CDC25C: variants seen among roughly 807,000 people sequenced by gnomAD.
CDC25C encodes M-phase inducer phosphatase 3.
In CDC25C, 48 loss-of-function variants were observed where a neutral mutation model predicts 52.5. That is an observed-to-expected ratio of 0.91 (90% CI 0.72 to 1.16). CDC25C has a LOEUF of 1.16. CDC25C is among the 50% of genes most tolerant of loss of function. CDC25C has a pLI of 0.00. For missense variants in CDC25C, 510 were observed against 566.1 expected (o/e 0.90, Z 1.01); for synonymous variants, 187 against 206.5 (o/e 0.91, Z 0.81).
chr5:138,334,476 T>C (rs1409375673), upstream of CDC25C, among the ~76,000 whole-genome samples: 2 of 151,962 alleles, frequency 1.3e-5, no homozygotes, highest in African/African-American at 4.8e-5. Flanking sequence ...CTCAGCCTCC[T>C]GAGTAGCTGG....
chr5:138,304,501 C>CTT (rs888224813), intron 7 of CDC25C, among the ~76,000 whole-genome samples: 3 of 142,728 alleles, frequency 2.1e-5, no homozygotes, highest in Non-Finnish European at 4.6e-5. Context: ...GCTTCCAACT[C>CTT]TTTTTTTTTT....
At chr5:138,308,823 CT>C (rs1758228835) in intron 7 of CDC25C, among the ~76,000 whole-genome samples, 1 of 152,106 alleles carries the variant, frequency 6.6e-6, no homozygotes, top group Non-Finnish European at 1.5e-5. Context: ...AAAACAGGCT[CT>C]GGGGTCAGGT....
At chr5:138,323,969 A>G (rs7443648) in intron 6 of CDC25C, among the ~76,000 whole-genome samples, 1 of 149,366 alleles carries the variant, frequency 6.7e-6, no homozygotes, top group Non-Finnish European at 1.5e-5. Flanking sequence ...AAAAAAAAAA[A>G]AAAACAAATT....
chr5:138,331,028 G>C lies in CDC25C; in HGVS notation c.153C>G (p.Gly51=). Reference sequence around the variant, plus strand: ...GGTTTGCAGAATCACCAAGAAATTTGCCCACTGGAGTTCTAGGGACATCTG... The same window carrying C: ...GGTTTGCAGAATCACCAAGAAATTTCCCCACTGGAGTTCTAGGGACATCTG... ...VCPDVPRTPV[G]KFLGDSANLS... is the part of the protein sequence containing the mutation. The change falls in exon 2 of 14, where the codon GGC becomes GGG. Residue 51 remains glycine, a synonymous_variant. Coordinates refer to ENST00000323760, the MANE Select transcript of CDC25C (RefSeq NM_001790.5). 5.6e-6 allele frequency: 9 copies of C among 1,613,976 alleles called. No homozygotes were observed. The highest frequency in any genetic ancestry group is 7.6e-6 in the Non-Finnish European group (9 of 1,179,848).
chr5:138,334,604 G>A (rs1290343035), upstream of CDC25C, among the ~76,000 whole-genome samples: 10 of 152,042 alleles, frequency 6.6e-5, no homozygotes, highest in African/African-American at 2.2e-4. Context: ...CACCCACCTC[G>A]GCCTCCCAAA....
chr5:138,293,300 T>C (rs934267256), intron 7 of CDC25C, among the ~76,000 whole-genome samples: 2 of 152,184 alleles, frequency 1.3e-5, no homozygotes, highest in African/African-American at 4.8e-5. Flanking sequence ...GCCAATCAGG[T>C]TCCCTCTCTT....
intron 7 of CDC25C, among the ~76,000 whole-genome samples, chr5:138,300,594 AAAACT>A (rs1338079946): frequency 6.6e-6 from 1 of 152,146 alleles, no homozygotes; most frequent in Non-Finnish European, 1.5e-5. Context: ...TAATAGACAG[AAAACT>A]AATAAGCATA....
At chr5:138,289,399 G>T in intron 10 of CDC25C, 102 bp downstream of exon 10, 1 of 829,262 alleles carries the variant, frequency 1.2e-6, no homozygotes, top group South Asian at 1.4e-5. Flanking sequence ...CTGTGTGAGT[G>T]AACACAGTGA....
chr5:138,286,404 T>G (rs1756233806), intron 12 of CDC25C, 93 bp downstream of exon 12: 3 of 1,331,320 alleles, frequency 2.3e-6, no homozygotes, highest in African/African-American at 2.9e-5. Context: ...TTCTTCAAAC[T>G]GTAGAATCCA....
chr5:138,288,423 G>A (rs1049992308), intron 10 of CDC25C, among the ~76,000 whole-genome samples: 2 of 152,082 alleles, frequency 1.3e-5, no homozygotes, highest in Non-Finnish European at 2.9e-5. Context: ...GGGGCTGGGC[G>A]CAGTGGCTCA....
intron 6 of CDC25C, among the ~76,000 whole-genome samples, chr5:138,324,371 T>C (rs1437493632): frequency 1.3e-5 from 2 of 151,948 alleles, no homozygotes; most frequent in African/African-American, 4.8e-5. Context: ...GGAGAAAGTA[T>C]CAAAACCTTA....
intron 7 of CDC25C, among the ~76,000 whole-genome samples, chr5:138,296,849 C>T (rs1451156209): frequency 6.6e-6 from 1 of 150,766 alleles, no homozygotes; most frequent in African/African-American, 2.4e-5. Flanking sequence ...TCGTGATCTG[C>T]CCGCCTCGGC....
At chr5:138,289,860 T>C (rs1434091909) in intron 9 of CDC25C, among the ~76,000 whole-genome samples, 1 of 149,932 alleles carries the variant, frequency 6.7e-6, no homozygotes, top group African/African-American at 2.5e-5. Context: ...TATGAAGAAA[T>C]TATGAGCAGC....
chr5:138,331,721 T>C lies in CDC25C; in HGVS notation c.-165A>G. ...AGGAGGTAGTTAACTAGATTGCAGC[T>C]CTGCCTTCCGACTGGGTAGGCCAAC... On this transcript the variant is annotated 5_prime_UTR_variant, in exon 1 of 14. Transcript: ENST00000323760. 9 of 989,532 alleles carry C rather than the reference T, an allele frequency of 9.1e-6. No individual in the cohort carries two copies. The highest frequency in any genetic ancestry group is 1.1e-5 in the Non-Finnish European group (9 of 832,240). 61.3% of individuals were successfully genotyped at this position (989,532 alleles called of 1,614,324 possible).
intron 6 of CDC25C, among the ~76,000 whole-genome samples, chr5:138,321,034 G>T (rs760455732): frequency 3.3e-5 from 5 of 151,452 alleles, no homozygotes; most frequent in Non-Finnish European, 7.4e-5. Context: ...GTTTGAGGCT[G>T]CAGTGAGTTA....
intron 7 of CDC25C, among the ~76,000 whole-genome samples, chr5:138,301,623 T>A (rs1360889503): frequency 2.1e-5 from 3 of 144,032 alleles, no homozygotes; most frequent in Non-Finnish European, 4.5e-5. Flanking sequence ...CTGATACCAA[T>A]ACCAAAACAT....
Position 138,322,484 on chromosome 5 carries a change from T to TTTTTTC in CDC25C, c.460-3111_460-3110insGAAAAA, listed in dbSNP as rs1365888229. 7.0e-4 allele frequency among the ~76,000 whole-genome samples: 86 copies of TTTTTTC among 122,160 alleles called. 2 individuals are homozygous for TTTTTTC. The highest frequency in any genetic ancestry group is 9.4e-4 in the Non-Finnish European group (54 of 57,704). 80.1% of individuals were successfully genotyped at this position (122,160 alleles called of 152,430 possible). A position where few individuals can be genotyped will look rare whatever the true frequency, so the allele number is the denominator to read the frequency against. On this transcript the variant is annotated intron_variant, in intron 6 of 13. Transcript: ENST00000323760. ...CCGGCTAATTTTTTTTTTTTTTTTT[T>TTTTTTC]TTTTTTTTTGAGATGGAGTCTCGCT...
At chr5:138,291,419 C>CTTT (rs572826668) in intron 8 of CDC25C, among the ~76,000 whole-genome samples, 1 of 138,798 alleles carries the variant, frequency 7.2e-6, no homozygotes, top group East Asian at 2.0e-4. Context: ...CAACATTTCT[C>CTTT]TTTTTTTTTT....
Position 138,331,793 on chromosome 5 carries a change from C to T in CDC25C, c.-237G>A, listed in dbSNP as rs1476639219. ...GAGCAGAAGGCCAAAGTTACGGCCT[C>T]TGAGCAAGAATATCAACAGCCGCAG... On this transcript the variant is annotated 5_prime_UTR_variant, in exon 1 of 14. Transcript: ENST00000323760. 2.0e-6 allele frequency: 2 copies of T among 986,122 alleles called. No individual in the cohort carries two copies. The highest frequency in any genetic ancestry group is 2.4e-6 in the Non-Finnish European group (2 of 830,560). 61.1% of individuals were successfully genotyped at this position (986,122 alleles called of 1,614,324 possible).
Sources: gnomAD v4.1 joint callset for allele counts (sites outside exome capture counted in the v4.1 genomes callset) on GRCh38, gnomAD v4.1.1 for gene constraint, MANE v1.5 for transcripts, NCBI Gene and HGNC (gene_info 2026-07-23, HGNC 2026-07-21) for gene names.